Variants in FGGY observed in about 807,000 individuals in gnomAD.
The protein encoded by FGGY is FGGY carbohydrate kinase domain containing.
In FGGY, 72 loss-of-function variants were observed where a neutral mutation model predicts 71.3. That is an observed-to-expected ratio of 1.01 (90% CI 0.84 to 1.23). The LOEUF is 1.23. Ranked by LOEUF, FGGY falls within the 50% of genes most tolerant of loss-of-function variation. FGGY has a pLI of 0.00. For missense variants in FGGY, 668 were observed against 682.3 expected, an observed-to-expected ratio of 0.98 and a Z score of 0.23; for synonymous variants, 251 against 250.3, an observed-to-expected ratio of 1.00 and a Z score of -0.02.
chr1:59,320,914 AC>A lies in FGGY; in HGVS notation c.-14-621del, dbSNP rs1280993758. Among the ~76,000 whole-genome samples, 5 of 152,292 alleles carry A rather than the reference AC, an allele frequency of 3.3e-5. No homozygotes were observed. The South Asian group carries it at 6.2e-4, about 19-fold the overall frequency. On this transcript the variant is annotated intron_variant, in intron 1 of 15. Coordinates refer to ENST00000303721, the MANE Select transcript of FGGY (RefSeq NM_018291.5). ...GTAGTGTGTATCATTATAATAATGT[AC>A]ATTTACTGTTTGAATTTATGAGTAG...
At chr1:59,656,816 GA>G (rs150168143) in intron 11 of FGGY, among the ~76,000 whole-genome samples, 11,892 of 152,080 alleles carry the variant, frequency 0.078, 1,258 homozygotes, top group African/African-American at 0.24. Context: ...TTATTTATCA[GA>G]AAAAAAGCTA....
At chr1:59,569,119 T>C (rs1276453146) in intron 8 of FGGY, among the ~76,000 whole-genome samples, 1 of 152,198 alleles carries the variant, frequency 6.6e-6, no homozygotes, top group Non-Finnish European at 1.5e-5. Flanking sequence ...TATTAAATAC[T>C]TCACATGTGA....
At chr1:59,667,458 A>C (rs979156670) in intron 13 of FGGY, 55 bp downstream of exon 13, 1 of 1,600,276 alleles carries the variant, frequency 6.2e-7, no homozygotes, top group Non-Finnish European at 8.5e-7. Context: ...GCAAATGGGC[A>C]TGGCCAAGTT....
chr1:59,522,701 G>T (rs1290494515), intron 7 of FGGY, among the ~76,000 whole-genome samples: 1 of 152,278 alleles, frequency 6.6e-6, no homozygotes, highest in East Asian at 1.9e-4. Flanking sequence ...GAATAGGGAA[G>T]GTATTTTTAC....
intron 4 of FGGY, among the ~76,000 whole-genome samples, chr1:59,363,021 T>TA (rs1160802686): frequency 6.6e-6 from 1 of 152,096 alleles, no homozygotes; most frequent in African/African-American, 2.4e-5. Flanking sequence ...AGTTCTTTCC[T>TA]AAAAAAAGAG....
intron 8 of FGGY, among the ~76,000 whole-genome samples, chr1:59,595,573 C>T (rs1300514136): frequency 1.3e-5 from 2 of 151,954 alleles, no homozygotes; most frequent in African/African-American, 4.8e-5. Context: ...AACTGCAGTC[C>T]CAGCTACTCG....
At chr1:59,610,198 G>A (rs925607456) in intron 9 of FGGY, among the ~76,000 whole-genome samples, 4 of 152,124 alleles carry the variant, frequency 2.6e-5, no homozygotes, top group African/African-American at 9.7e-5. Context: ...AGCCTTCCAT[G>A]CATTAGCAAT....
chr1:59,736,465 A>G (rs2098104910), intron 14 of FGGY, among the ~76,000 whole-genome samples: 1 of 152,108 alleles, frequency 6.6e-6, no homozygotes, highest in Non-Finnish European at 1.5e-5. Flanking sequence ...AAATCCTGAT[A>G]GTGATATGAA....
At chr1:59,625,515 CTCA>C (rs1341295515) in intron 9 of FGGY, among the ~76,000 whole-genome samples, 2 of 151,858 alleles carry the variant, frequency 1.3e-5, no homozygotes, top group Non-Finnish European at 2.9e-5. Context: ...TTCAAAAACC[CTCA>C]TCATAGTCTC....
At chr1:59,757,820 C>T in intron 14 of FGGY, 111 bp from the exon 15 acceptor site, 1 of 667,472 alleles carries the variant, frequency 1.5e-6, no homozygotes, top group South Asian at 2.0e-5. Flanking sequence ...AGAGGACTAA[C>T]CAAATATCTT....
intron 1 of FGGY, among the ~76,000 whole-genome samples, chr1:59,306,252 A>G (rs1370238651): frequency 2.0e-5 from 3 of 152,178 alleles, no homozygotes; most frequent in African/African-American, 7.2e-5. Flanking sequence ...CTATCTAAAG[A>G]TGTGAGGAGG....
chr1:59,761,380 C>T (rs531403121), intron 15 of FGGY, among the ~76,000 whole-genome samples: 6 of 152,272 alleles, frequency 3.9e-5, no homozygotes, highest in Admixed American at 3.3e-4. Flanking sequence ...CTGTGTGTAT[C>T]CAAGGTTACT....
At chr1:59,688,360 A>C (rs1189407345) in intron 14 of FGGY, among the ~76,000 whole-genome samples, 1 of 152,228 alleles carries the variant, frequency 6.6e-6, no homozygotes, top group East Asian at 1.9e-4. Context: ...TTAGCAGCTT[A>C]AGTCTGTATG....
chr1:59,437,138 A>G (rs1313862401), intron 5 of FGGY, among the ~76,000 whole-genome samples: 1 of 152,078 alleles, frequency 6.6e-6, no homozygotes, highest in Non-Finnish European at 1.5e-5. Context: ...CCTCATGGTT[A>G]TTGGGAGATA....
At chr1:59,394,946 G>A (rs991124539) in intron 5 of FGGY, among the ~76,000 whole-genome samples, 5 of 151,754 alleles carry the variant, frequency 3.3e-5, no homozygotes, top group Non-Finnish European at 1.5e-5. Flanking sequence ...GACTTTGCAC[G>A]TACTGTTTCC....
chr1:59,425,897 T>C (rs2066280042), intron 5 of FGGY, among the ~76,000 whole-genome samples: 1 of 152,248 alleles, frequency 6.6e-6, no homozygotes, highest in Admixed American at 6.5e-5. Context: ...GATTTTTCAG[T>C]GTTTATTCCA....
intron 4 of FGGY, among the ~76,000 whole-genome samples, chr1:59,348,472 G>A (rs998020851): frequency 6.6e-6 from 1 of 152,058 alleles, no homozygotes; most frequent in Non-Finnish European, 1.5e-5. Flanking sequence ...CAGCTTAATG[G>A]TTCCCATTAG....
chr1:59,707,490 A>G (rs1333930259), intron 14 of FGGY, among the ~76,000 whole-genome samples: 1 of 152,208 alleles, frequency 6.6e-6, no homozygotes, highest in East Asian at 1.9e-4. Flanking sequence ...GCCTTCATGT[A>G]AAAATTTGGA....
chr1:59,410,118 T>C (rs986650761), intron 5 of FGGY, among the ~76,000 whole-genome samples: 3 of 152,226 alleles, frequency 2.0e-5, no homozygotes, highest in African/African-American at 7.2e-5. Context: ...TATGTGGCAA[T>C]CAATGCAAAG....
Sources: allele counts gnomAD v4.1 joint callset (sites outside exome capture counted in the v4.1 genomes callset), GRCh38; gene constraint gnomAD v4.1.1; transcripts MANE v1.5; gene names NCBI Gene and HGNC (gene_info 2026-07-23, HGNC 2026-07-21).